The following AFF3 variants were observed in gnomAD, a reference collection of about 807,000 sequenced individuals.
AFF3 encodes the protein AF4/FMR2 family member 3.
AFF3 carries 32 observed loss-of-function variants against 129.7 expected under a neutral mutation model. That is an observed-to-expected ratio of 0.25 (90% CI 0.19 to 0.33). The LOEUF (loss-of-function observed/expected upper bound fraction) is 0.33, where lower values mean the gene tolerates loss of function less well. AFF3 is among the 10% of genes least tolerant of loss of function. The pLI, the probability that AFF3 is intolerant of heterozygous loss-of-function variation, is 1.00. For missense variants in AFF3, 1,373 were observed against 1,592.0 expected (o/e 0.86, Z 2.34); for synonymous variants, 644 against 635.4 (o/e 1.01, Z -0.20).
intron 8 of AFF3, among the ~76,000 whole-genome samples, chr2:99,765,508 G>C (rs1437703044): frequency 6.6e-6 from 1 of 152,126 alleles, no homozygotes; most frequent in Non-Finnish European, 1.5e-5. Context: ...AATGACCTCG[G>C]GCAAGTTTAC....
chr2:99,918,112 C>G (rs1695601411), intron 7 of AFF3, among the ~76,000 whole-genome samples: 1 of 152,102 alleles, frequency 6.6e-6, no homozygotes, highest in African/African-American at 2.4e-5. Flanking sequence ...CCAAGAAACT[C>G]TCTCGCTTAT....
At chr2:99,773,380 G>C (rs1039679894) in intron 8 of AFF3, among the ~76,000 whole-genome samples, 2 of 152,192 alleles carry the variant, frequency 1.3e-5, no homozygotes, top group African/African-American at 4.8e-5. Context: ...TAAACTACTT[G>C]CTGTAATATA....
chr2:99,756,363 T>C (rs1404110747), intron 8 of AFF3, among the ~76,000 whole-genome samples: 1 of 152,254 alleles, frequency 6.6e-6, no homozygotes, highest in Non-Finnish European at 1.5e-5. Flanking sequence ...GAGCCTCACT[T>C]TGATCCCTGC....
intron 7 of AFF3, among the ~76,000 whole-genome samples, chr2:99,960,994 G>A (rs1677162784): frequency 6.6e-6 from 1 of 152,172 alleles, no homozygotes; most frequent in African/African-American, 2.4e-5. Flanking sequence ...CTTCCACAGG[G>A]TGGACTTGCT....
chr2:99,751,749 A>G (rs2105201248), intron 9 of AFF3, among the ~76,000 whole-genome samples: 1 of 152,342 alleles, frequency 6.6e-6, no homozygotes. Flanking sequence ...GCTTTTCCTT[A>G]GAAAATATAG....
chr2:99,877,577 C>A (rs1453512876), intron 7 of AFF3, among the ~76,000 whole-genome samples: 1 of 152,158 alleles, frequency 6.6e-6, no homozygotes, highest in African/African-American at 2.4e-5. Context: ...TAAAGACCAT[C>A]ATTCTATAGT....
rs1674372644 is a variant in AFF3, at chr2:99,551,137, TTGTG to T, written c.*333_*336del. 6 of 437,960 alleles carry T rather than the reference TTGTG, an allele frequency of 1.4e-5. No homozygotes were observed. In the Admixed American group the frequency reaches 1.5e-4, roughly 11 times the overall value. The allele number at this position is 437,960 out of a possible 1,614,324, so 27.1% of individuals were successfully genotyped here. A position where few individuals can be genotyped will look rare whatever the true frequency, so the allele number is the denominator to read the frequency against. On this transcript the variant is annotated 3_prime_UTR_variant, in exon 25 of 25. Coordinates refer to ENST00000672756, the MANE Select transcript of AFF3 (RefSeq NM_001386135.1). ...TGGAATAGAAAGTGTGTGTCTGTGA[TTGTG>T]TGTGAGTGTACGGTGTGTGTGTGTG...
rs563250948 is a variant in AFF3, at chr2:100,120,354, C to T, written c.-145+8870G>A. Among the ~76,000 whole-genome samples, 47 of 152,212 alleles carry T rather than the reference C, an allele frequency of 3.1e-4. No individual in the cohort carries two copies. The South Asian group carries it at 9.6e-3, about 31-fold the overall frequency. ...CACAGAAATCATTGCATTTGAGTAT[C>T]TTTTATGGAGGCAAATTAAAATAAG... is the stretch of plus-strand genomic sequence containing the variant. On this transcript the variant is annotated intron_variant, in intron 2 of 24. Coordinates refer to ENST00000672756, the MANE Select transcript of AFF3 (RefSeq NM_001386135.1).
chr2:100,133,391 G>A (rs1037691181), intron 1 of AFF3, among the ~76,000 whole-genome samples: 5 of 151,724 alleles, frequency 3.3e-5, no homozygotes, highest in Non-Finnish European at 7.4e-5. Context: ...TGTATGTTTC[G>A]TTGTTTGTTT....
chr2:99,968,143 C>G (rs983684602), intron 7 of AFF3, among the ~76,000 whole-genome samples: 1 of 152,178 alleles, frequency 6.6e-6, no homozygotes, highest in African/African-American at 2.4e-5. Flanking sequence ...TGAGAAGCCC[C>G]TTCCCAGCTC....
intron 7 of AFF3, among the ~76,000 whole-genome samples, chr2:99,941,820 C>T (rs1037579993): frequency 5.3e-5 from 8 of 152,276 alleles, no homozygotes; most frequent in Middle Eastern, 3.4e-3. Context: ...GACATGATAA[C>T]GAAAATGAAT....
At chr2:99,681,197 GA>G (rs1368191200) in intron 11 of AFF3, among the ~76,000 whole-genome samples, 3 of 152,148 alleles carry the variant, frequency 2.0e-5, no homozygotes, top group African/African-American at 7.2e-5. Flanking sequence ...TGAAGGTCAT[GA>G]ATAGCTCTGC....
chr2:99,807,986 G>A (rs1686486455), intron 8 of AFF3, among the ~76,000 whole-genome samples: 1 of 152,198 alleles, frequency 6.6e-6, no homozygotes. Context: ...TCATTGTCAG[G>A]GGCTGTGTGT....
At chr2:99,921,592 T>C (rs568256420) in intron 7 of AFF3, among the ~76,000 whole-genome samples, 1 of 152,308 alleles carries the variant, frequency 6.6e-6, no homozygotes, top group African/African-American at 2.4e-5. Flanking sequence ...CTCAATGTAC[T>C]ATCTTTGCAA....
At chr2:99,732,495 T>C (rs1019552959) in intron 10 of AFF3, among the ~76,000 whole-genome samples, 50 of 152,166 alleles carry the variant, frequency 3.3e-4, no homozygotes, top group African/African-American at 9.9e-4. Context: ...ACTCTAATCA[T>C]ACCTAGGCAT....
chr2:100,059,407 C>T (rs1240002131), intron 4 of AFF3, among the ~76,000 whole-genome samples: 3 of 152,098 alleles, frequency 2.0e-5, no homozygotes, highest in Non-Finnish European at 4.4e-5. Flanking sequence ...CACCACCACA[C>T]ATGTAGCATT....
At chr2:99,560,285 A>G in intron 21 of AFF3, 80 bp downstream of exon 21, 1 of 1,456,196 alleles carries the variant, frequency 6.9e-7, no homozygotes, top group Non-Finnish European at 9.6e-7. Flanking sequence ...TTGGGCAAAC[A>G]CTATGCCTTT....
chr2:99,857,959 CT>C (rs1690650329), intron 7 of AFF3, among the ~76,000 whole-genome samples: 1 of 152,208 alleles, frequency 6.6e-6, no homozygotes. Context: ...CCTCCTCCCA[CT>C]GTGGATGGAA....
At chr2:100,071,447 C>T (rs1020477313) in intron 4 of AFF3, among the ~76,000 whole-genome samples, 1 of 152,050 alleles carries the variant, frequency 6.6e-6, no homozygotes, top group African/African-American at 2.4e-5. Context: ...AAGATGACTC[C>T]ATGATGCCAT....
Sources: allele counts gnomAD v4.1 joint callset (sites outside exome capture counted in the v4.1 genomes callset), GRCh38; gene constraint gnomAD v4.1.1; transcripts MANE v1.5; gene names NCBI Gene and HGNC (gene_info 2026-07-23, HGNC 2026-07-21).